Variants in RBM19 observed in about 807,000 individuals in gnomAD.
The protein encoded by RBM19 is probable RNA-binding protein 19.
Under a neutral mutation model 116.8 loss-of-function variants are expected in RBM19, and 94 were observed. The ratio of observed to expected loss-of-function variants is 0.80; its 90% confidence interval spans 0.68 to 0.95. RBM19 has a LOEUF of 0.95. RBM19 is among the 40% of genes least tolerant of loss of function. The pLI, the probability that RBM19 is intolerant of heterozygous loss-of-function variation, is 0.00. For missense variants in RBM19, 1,161 were observed against 1,220.7 expected (o/e 0.95, Z 0.73); for synonymous variants, 475 against 494.1 (o/e 0.96, Z 0.51).
intron 22 of RBM19, among the ~76,000 whole-genome samples, chr12:113,855,296 C>T (rs1317567936): frequency 1.3e-5 from 2 of 152,106 alleles, no homozygotes; most frequent in Admixed American, 6.5e-5. Flanking sequence ...GTTGAGATAC[C>T]GGGGAGCAAG....
At chr12:113,889,892 G>GAA (rs202090983) in intron 21 of RBM19, among the ~76,000 whole-genome samples, 3 of 144,326 alleles carry the variant, frequency 2.1e-5, no homozygotes, top group Non-Finnish European at 3.1e-5. Context: ...AGCTGAGGGG[G>GAA]AAAAAAAAAA....
intron 16 of RBM19, among the ~76,000 whole-genome samples, chr12:113,929,943 C>G (rs1869456198): frequency 6.6e-6 from 1 of 152,174 alleles, no homozygotes; most frequent in Non-Finnish European, 1.5e-5. Context: ...TGATGGTGAC[C>G]AGGAGGGCTC....
intron 6 of RBM19, among the ~76,000 whole-genome samples, chr12:113,957,498 C>T (rs776336378): frequency 2.8e-4 from 43 of 152,108 alleles, no homozygotes; most frequent in Non-Finnish European, 5.0e-4. Flanking sequence ...ACCCAGGAGG[C>T]GGAGGTTGCA....
At chr12:113,944,797 C>G (rs1033736190) in intron 13 of RBM19, among the ~76,000 whole-genome samples, 6 of 143,020 alleles carry the variant, frequency 4.2e-5, no homozygotes, top group Non-Finnish European at 9.3e-5. Flanking sequence ...GCAACTCTGT[C>G]TCAAAAAAAA....
chr12:113,845,064 C>T (rs1237053548), intron 22 of RBM19, among the ~76,000 whole-genome samples: 1 of 152,202 alleles, frequency 6.6e-6, no homozygotes, highest in Non-Finnish European at 1.5e-5. Context: ...CGTCTATTTG[C>T]CGTGTGTCAT....
At chr12:113,834,978 C>T (rs919700751) in intron 23 of RBM19, among the ~76,000 whole-genome samples, 10 of 152,120 alleles carry the variant, frequency 6.6e-5, no homozygotes, top group Non-Finnish European at 8.8e-5. Context: ...TCTTTCTTTC[C>T]TTTCCCTCTG....
chr12:113,955,316 CA>C, intron 6 of RBM19, 105 bp from the exon 7 acceptor site: 1 of 1,098,104 alleles, frequency 9.1e-7, no homozygotes, highest in East Asian at 2.4e-5. Context: ...TGCCTGCCGC[CA>C]GGGGGAGCTG....
At chr12:113,861,130 G>C (rs375803554) in intron 21 of RBM19, among the ~76,000 whole-genome samples, 5 of 152,230 alleles carry the variant, frequency 3.3e-5, no homozygotes, top group African/African-American at 4.8e-5. Context: ...CATGTCTGAC[G>C]TTAAGCCCAA....
rs752837664 is a variant in RBM19, at chr12:113,957,906, C to T, written c.716G>A (p.Gly239Glu). The change falls in exon 6 of 24, where the codon GGG becomes GAG. Residue 239 changes from glycine to glutamate, a missense_variant. By Grantham distance (98) the Gly-to-Glu change is moderately conservative (BLOSUM62 -2). Coordinates refer to ENST00000261741, the MANE Select transcript of RBM19 (RefSeq NM_016196.4). ...GGAATCCTCTTCCTCGGCCTCACTCCCTTCATCACAGTGCACGGCTTCATC... is the reference window on the plus strand; with the variant it reads ...GGAATCCTCTTCCTCGGCCTCACTCTCTTCATCACAGTGCACGGCTTCATC... ...SEDEAVHCDE[G>E]SEAEEEDSSA... 1.2e-6 allele frequency: 2 copies of T among 1,614,180 alleles called. No individual in the cohort carries two copies. The highest frequency in any genetic ancestry group is 4.5e-5 in the East Asian group (2 of 44,874).
chr12:113,842,675 C>T (rs750340596), intron 23 of RBM19, among the ~76,000 whole-genome samples: 7 of 152,162 alleles, frequency 4.6e-5, no homozygotes, highest in South Asian at 2.1e-4. Flanking sequence ...TAAGTTACAA[C>T]GTGGCAAGAA....
intron 21 of RBM19, among the ~76,000 whole-genome samples, chr12:113,883,933 C>T (rs1045821693): frequency 2.0e-5 from 3 of 152,032 alleles, no homozygotes; most frequent in Non-Finnish European, 4.4e-5. Flanking sequence ...AATACAGATA[C>T]AGAAATAGAA....
chr12:113,852,039 A>G (rs1234906979), intron 22 of RBM19, among the ~76,000 whole-genome samples: 1 of 122,878 alleles, frequency 8.1e-6, no homozygotes, highest in Non-Finnish European at 1.8e-5. Flanking sequence ...CGACAGAACG[A>G]GATTGTCTCA....
At chr12:113,947,963 C>G (rs10850251) in intron 10 of RBM19, among the ~76,000 whole-genome samples, 24,954 of 152,148 alleles carry the variant, frequency 0.16, 2,797 homozygotes, top group African/African-American at 0.32. Context: ...CCTCAGCCCA[C>G]CCATGAGGTG....
chr12:113,877,680 G>T (rs957134219), intron 21 of RBM19, among the ~76,000 whole-genome samples: 2 of 152,244 alleles, frequency 1.3e-5, no homozygotes, highest in African/African-American at 4.8e-5. Context: ...GAAAGCAAGA[G>T]AAATGCAAAA....
chr12:113,930,522 G>C (rs1378883156), intron 16 of RBM19, among the ~76,000 whole-genome samples: 5 of 152,228 alleles, frequency 3.3e-5, no homozygotes. Flanking sequence ...AAGAACAAGA[G>C]GGAACTGTGA....
Position 113,903,948 on chromosome 12 carries a change from G to C in RBM19, c.2558+11021C>G, listed in dbSNP as rs1881875768. ...GATCCGGACCATGGGATTCTGTTGA[G>C]CTACATCCCACAGCTGGTTAATGTG... is the stretch of plus-strand genomic sequence containing the variant. On this transcript the variant is annotated intron_variant, in intron 21 of 23. Coordinates refer to ENST00000261741, the MANE Select transcript of RBM19 (RefSeq NM_016196.4). The surrounding 1 kb of genome is among the most constrained non-coding windows in gnomAD (Gnocchi z 5.1). 6.6e-6 allele frequency among the ~76,000 whole-genome samples: 1 copy of C among 152,250 alleles called. No homozygotes were observed. Among genetic ancestry groups the C allele is most frequent in the Non-Finnish European group, 1.5e-5 (1 of 68,048 alleles).
intron 21 of RBM19, among the ~76,000 whole-genome samples, chr12:113,883,708 G>C (rs1880312040): frequency 8.0e-6 from 1 of 124,620 alleles, no homozygotes. Context: ...GGTCTGTCTG[G>C]TTTCTGAGTC....
intron 22 of RBM19, among the ~76,000 whole-genome samples, chr12:113,855,126 G>A (rs868369468): frequency 3.9e-5 from 6 of 152,176 alleles, no homozygotes; most frequent in Non-Finnish European, 8.8e-5. Flanking sequence ...ATGGAGAAGG[G>A]TCAGACAACT....
intron 22 of RBM19, among the ~76,000 whole-genome samples, chr12:113,850,670 C>A (rs1367427375): frequency 6.6e-6 from 1 of 152,252 alleles, no homozygotes; most frequent in African/African-American, 2.4e-5. Context: ...GGACTTCCAT[C>A]CCAAGGGGCT....
Sources: gnomAD v4.1 joint callset for allele counts (sites outside exome capture counted in the v4.1 genomes callset) on GRCh38, gnomAD v4.1.1 for gene constraint, Gnocchi (gnomAD v3.1) non-coding constraint, MANE v1.5 for transcripts, NCBI Gene and HGNC (gene_info 2026-07-23, HGNC 2026-07-21) for gene names.